EPHA5: variants seen among roughly 807,000 people sequenced by gnomAD.
EPHA5 encodes the protein EPH receptor A5, also known as ephrin type-A receptor 5.
Under a neutral mutation model 105.0 loss-of-function variants are expected in EPHA5, and 60 were observed. The observed-to-expected ratio is 0.57, with a 90% CI of 0.46 to 0.71. The LOEUF is 0.71. Ranked by LOEUF, EPHA5 falls within the 30% of genes least tolerant of loss-of-function variation. The pLI is 0.00. For missense variants in EPHA5, 1,218 were observed against 1,274.7 expected (o/e 0.96, Z 0.68); for synonymous variants, 513 against 449.1 (o/e 1.14, Z -1.80).
intron 3 of EPHA5, among the ~76,000 whole-genome samples, chr4:65,574,833 C>T (rs1216417116): frequency 1.3e-5 from 2 of 149,496 alleles, no homozygotes; most frequent in Non-Finnish European, 1.5e-5. Context: ...AAAATTCCAT[C>T]ACTAATAAAC....
At chr4:65,354,050 G>A (rs1199678148) in intron 11 of EPHA5, among the ~76,000 whole-genome samples, 1 of 151,646 alleles carries the variant, frequency 6.6e-6, no homozygotes, top group Non-Finnish European at 1.5e-5. Context: ...TGGATCCCGG[G>A]CAAGTCAATT....
At chr4:65,488,930 G>C (rs184167563) in intron 5 of EPHA5, among the ~76,000 whole-genome samples, 4 of 127,784 alleles carry the variant, frequency 3.1e-5, no homozygotes, top group East Asian at 2.5e-4. Context: ...CTGTTGCCCA[G>C]GCTGGAGCTC....
intron 8 of EPHA5, among the ~76,000 whole-genome samples, chr4:65,370,378 A>T (rs1289523128): frequency 6.6e-6 from 1 of 152,148 alleles, no homozygotes; most frequent in Non-Finnish European, 1.5e-5. Flanking sequence ...GTTTCTCTTT[A>T]ATAATATTCT....
At chr4:65,503,340 A>G (rs1056135530) in intron 3 of EPHA5, among the ~76,000 whole-genome samples, 1 of 151,808 alleles carries the variant, frequency 6.6e-6, no homozygotes, top group African/African-American at 2.4e-5. Flanking sequence ...TAAAACATTG[A>G]TACAATTAAA....
At chr4:65,601,540 A>T in intron 3 of EPHA5, 101 bp downstream of exon 3, 1 of 1,162,300 alleles carries the variant, frequency 8.6e-7, no homozygotes, top group East Asian at 2.4e-5. Context: ...TCCATAAATT[A>T]GCAAAGTAAA....
At chr4:65,479,579 C>T (rs1730154510) in intron 5 of EPHA5, among the ~76,000 whole-genome samples, 1 of 152,044 alleles carries the variant, frequency 6.6e-6, no homozygotes, top group African/African-American at 2.4e-5. Context: ...TTTGAGAAAA[C>T]AATTAAGGAA....
At chr4:65,407,270 C>T (rs1722452430) in intron 7 of EPHA5, among the ~76,000 whole-genome samples, 1 of 152,042 alleles carries the variant, frequency 6.6e-6, no homozygotes, top group Admixed American at 6.6e-5. Context: ...TGGGAACTCT[C>T]ACAGATACAG....
At position 65,320,461 on chromosome 4, in the gene EPHA5, G is replaced by C. The variant is rs1477627494; in HGVS notation, c.*3653C>G. 4.4e-6 allele frequency: 1 copy of C among 228,004 alleles called. No homozygotes were observed. Among genetic ancestry groups the C allele is most frequent in the African/African-American group, 2.2e-5 (1 of 44,894 alleles). 14.1% of individuals were successfully genotyped at this position (228,004 alleles called of 1,614,324 possible). On this transcript the variant is annotated 3_prime_UTR_variant, in exon 17 of 17. Transcript: ENST00000613740. ...CACTTCTTTTTTTTCTTATTTTTAG[G>C]AAAAACAAAATGAGAAAGGGACCTT...
At chr4:65,639,633 C>T (rs376072893) in intron 2 of EPHA5, among the ~76,000 whole-genome samples, 1 of 152,136 alleles carries the variant, frequency 6.6e-6, no homozygotes, top group Non-Finnish European at 1.5e-5. Context: ...GTTTCCTCAT[C>T]AAATTTGGGA....
At chr4:65,457,195 T>G (rs148645329) in intron 5 of EPHA5, among the ~76,000 whole-genome samples, 3 of 152,182 alleles carry the variant, frequency 2.0e-5, no homozygotes, top group Admixed American at 6.6e-5. Context: ...AGGAAGAGAC[T>G]GCATACTGTT....
At chr4:65,584,003 T>A (rs1741891012) in intron 3 of EPHA5, among the ~76,000 whole-genome samples, 1 of 151,632 alleles carries the variant, frequency 6.6e-6, no homozygotes, top group Non-Finnish European at 1.5e-5. Context: ...AAGTATAAAT[T>A]GTAAAATAAT....
chr4:65,466,516 C>T (rs1363376267), intron 5 of EPHA5, among the ~76,000 whole-genome samples: 1 of 152,132 alleles, frequency 6.6e-6, no homozygotes, highest in African/African-American at 2.4e-5. Flanking sequence ...AAAGAGATCC[C>T]TGTGGCTGCT....
At chr4:65,507,199 G>A (rs2149252901) in intron 3 of EPHA5, among the ~76,000 whole-genome samples, 1 of 152,096 alleles carries the variant, frequency 6.6e-6, no homozygotes, top group South Asian at 2.1e-4. Context: ...TTATTTCTGA[G>A]GGCTCTGTTC....
intron 3 of EPHA5, among the ~76,000 whole-genome samples, chr4:65,592,087 T>C (rs1279198796): frequency 2.0e-5 from 3 of 152,124 alleles, no homozygotes; most frequent in African/African-American, 7.2e-5. Flanking sequence ...TTAGAATTCG[T>C]GAGTTTTCAG....
intron 2 of EPHA5, among the ~76,000 whole-genome samples, chr4:65,639,501 T>C (rs1056889010): frequency 1.3e-5 from 2 of 152,194 alleles, no homozygotes; most frequent in African/African-American, 4.8e-5. Context: ...TGTTTGACTC[T>C]TGCTACTTTT....
At chr4:65,528,255 A>G (rs542620023) in intron 3 of EPHA5, among the ~76,000 whole-genome samples, 262 of 152,258 alleles carry the variant, frequency 1.7e-3, no homozygotes, top group Non-Finnish European at 2.4e-3. Flanking sequence ...GAGTCAAAAC[A>G]TCACAGAAGA....
At chr4:65,619,076 G>A (rs1349537111) in intron 2 of EPHA5, among the ~76,000 whole-genome samples, 1 of 151,970 alleles carries the variant, frequency 6.6e-6, no homozygotes, top group East Asian at 1.9e-4. Context: ...AACCACTTGA[G>A]CACAGAGGTT....
chr4:65,408,206 A>T (rs2149000832), intron 7 of EPHA5, among the ~76,000 whole-genome samples: 1 of 152,216 alleles, frequency 6.6e-6, no homozygotes, highest in East Asian at 1.9e-4. Context: ...CAATGCCTTC[A>T]TGCTTGTTGG....
At chr4:65,599,164 G>C (rs946179802) in intron 3 of EPHA5, among the ~76,000 whole-genome samples, 4 of 152,040 alleles carry the variant, frequency 2.6e-5, no homozygotes, top group Non-Finnish European at 4.4e-5. Context: ...AAGTTGACTG[G>C]TAATTTCTAT....
Sources: allele counts gnomAD v4.1 joint callset (sites outside exome capture counted in the v4.1 genomes callset), GRCh38; gene constraint gnomAD v4.1.1; transcripts MANE v1.5; gene names NCBI Gene and HGNC (gene_info 2026-07-23, HGNC 2026-07-21).